Variants in PAPLN observed in about 807,000 individuals in gnomAD.
PAPLN encodes papilin.
Under a neutral mutation model 159.0 loss-of-function variants are expected in PAPLN, and 146 were observed. The observed-to-expected ratio is 0.92, with a 90% CI of 0.80 to 1.05. The LOEUF is 1.05. Among genes scored for constraint, PAPLN ranks in the 50% least tolerant of loss-of-function variants. PAPLN has a pLI of 0.00. For missense variants in PAPLN, 1,720 were observed against 1,743.9 expected (o/e 0.99, Z 0.24); for synonymous variants, 734 against 702.9 (o/e 1.04, Z -0.70).
rs370095712 is a variant in PAPLN, at chr14:73,266,065, G to T, written c.3264-436G>T. On this transcript the variant is annotated intron_variant, in intron 23 of 26. Transcript: ENST00000644200. ...AAAAGCCAGACATTTTCGGCCAGTC[G>T]CAGTGGCTCACGCCTGTAATCCCAG... Among the ~76,000 whole-genome samples the T allele has an allele frequency of 4.9e-4, 74 of 152,288 alleles. 1 individual carries two copies. The highest frequency in any genetic ancestry group is 6.8e-3 in the Middle Eastern group (2 of 294).
intron 6 of PAPLN, 94 bp from the exon 7 acceptor site, chr14:73,250,813 G>C: frequency 7.0e-7 from 1 of 1,431,030 alleles, no homozygotes; most frequent in Non-Finnish European, 9.2e-7. Context: ...ATCCTGCCTG[G>C]GCTGCGTGGG....
chr14:73,257,750 CTTCTTTTTTTTT>C (rs1359509805), intron 14 of PAPLN, among the ~76,000 whole-genome samples: 1 of 104,912 alleles, frequency 9.5e-6, no homozygotes, highest in South Asian at 3.1e-4. Flanking sequence ...TAGTCTCTTT[CTTCTTTTTTTTT>C]TTTTTTTTTT....
chr14:73,266,736 C>T lies in PAPLN; in HGVS notation c.3405C>T (p.Ile1135=), dbSNP rs1315065007. Residue 1135 remains isoleucine (I), a synonymous_variant, in exon 25 of 27, where the codon ATC becomes ATT. Transcript: ENST00000644200. The part of the protein sequence containing the change: ...VQLRVLGELT[I]SGLPPTVTVP... Reference sequence around the variant, plus strand: ...CCTTGTGCCCAGGGGAGCTGACAATCTCAGGACTGCCCCCTACTGTGACAG... The same window carrying T: ...CCTTGTGCCCAGGGGAGCTGACAATTTCAGGACTGCCCCCTACTGTGACAG... 1 of 1,614,036 alleles carries T rather than the reference C, an allele frequency of 6.2e-7. No homozygotes were observed. The highest frequency in any genetic ancestry group is 1.1e-5 in the South Asian group (1 of 91,072).
At position 73,265,480 on chromosome 14, in the gene PAPLN, G is replaced by A; in HGVS notation, c.3236G>A (p.Arg1079Lys). The A allele has an allele frequency of 6.2e-7, 1 of 1,613,936 alleles. No homozygotes were observed. The highest frequency in any genetic ancestry group is 1.3e-5 in the African/African-American group (1 of 75,076). ...CCGCCCCCAGCCATCGAGTGGCAGA[G>A]AGATGGGCAGCCTGTCTCTTCTCCC... ...GFPPPAIEWQ[R>K]DGQPVSSPRH... Residue 1079 changes from arginine (R) to lysine (K), a missense_variant, in exon 23 of 27, where the codon AGA (arginine) becomes AAA (lysine). Arg to Lys is a conservative substitution (Grantham distance 26). Transcript: ENST00000644200. This position sits in a 1 kb window ranked among gnomAD's most constrained non-coding sequence, Gnocchi z 4.1.
chr14:73,258,399 A>G (rs914350601), intron 14 of PAPLN, among the ~76,000 whole-genome samples: 1 of 152,058 alleles, frequency 6.6e-6, no homozygotes, highest in Non-Finnish European at 1.5e-5. Flanking sequence ...CCAATTTTTT[A>G]AAAAAGTATG....
At chr14:73,268,794 T>TC in intron 26 of PAPLN, 71 bp downstream of exon 26, 5 of 1,479,560 alleles carry the variant, frequency 3.4e-6, no homozygotes, top group Non-Finnish European at 9.0e-7. Context: ...AAGGGCTGGC[T>TC]CTGCAGTCTG....
intron 16 of PAPLN, among the ~76,000 whole-genome samples, chr14:73,260,378 C>T (rs910950969): frequency 6.6e-6 from 1 of 152,162 alleles, no homozygotes; most frequent in African/African-American, 2.4e-5. Flanking sequence ...TTTTGTAACC[C>T]CCGCTGTGAA....
At chr14:73,252,603 T>G in intron 10 of PAPLN, 46 bp from the exon 11 acceptor site, 1 of 1,599,630 alleles carries the variant, frequency 6.3e-7, no homozygotes, top group Non-Finnish European at 8.5e-7. Context: ...ACGCGCTTGG[T>G]GAATGTTGAC....
At chr14:73,242,291 C>T (rs138303060) in intron 2 of PAPLN, among the ~76,000 whole-genome samples, 9 of 152,288 alleles carry the variant, frequency 5.9e-5, no homozygotes, top group African/African-American at 1.9e-4. Context: ...CCAGTCCTGC[C>T]CCTGCCTTAT....
At position 73,261,301 on chromosome 14, in the gene PAPLN, G is replaced by A. The variant is rs1886554874; in HGVS notation, c.2245+7G>A. On this transcript the variant is annotated splice_region_variant and intron_variant, in intron 18 of 26. Coordinates refer to ENST00000644200, the MANE Select transcript of PAPLN (RefSeq NM_001365906.3). Reference sequence around the variant, plus strand: ...GTGGGCCAGCCCAGCCATGGTGAGTGGACACCCCCTCTCCTCCTTCTCGAT... The same window carrying A: ...GTGGGCCAGCCCAGCCATGGTGAGTAGACACCCCCTCTCCTCCTTCTCGAT... 1.2e-6 allele frequency: 2 copies of A among 1,613,200 alleles called. No individual in the cohort carries two copies. Among genetic ancestry groups the A allele is most frequent in the South Asian group, 2.2e-5 (2 of 91,036 alleles).
chr14:73,272,287 T>C (rs1887803727), intron 26 of PAPLN: 2 of 423,888 alleles, frequency 4.7e-6, no homozygotes, highest in South Asian at 8.4e-5. Flanking sequence ...GACCACTGCA[T>C]GTTGAAGTGA....
At chr14:73,259,688 GGCTGCCCTGA>G in intron 16 of PAPLN, 143 bp downstream of exon 16, 1 of 1,152,940 alleles carries the variant, frequency 8.7e-7, no homozygotes, top group Non-Finnish European at 1.1e-6. Flanking sequence ...TTCCTCCCTG[GGCTGCCCTGA>G]GCATGAGATC....
chr14:73,248,840 T>A (rs1884905906), intron 5 of PAPLN, among the ~76,000 whole-genome samples: 1 of 146,646 alleles, frequency 6.8e-6, no homozygotes, highest in Non-Finnish European at 1.5e-5. Context: ...GAAAAAAAAA[T>A]TAAAACCAGG....
chr14:73,266,667 G>GC (rs775959044), intron 24 of PAPLN, 39 bp downstream of exon 24: 10 of 1,614,052 alleles, frequency 6.2e-6, no homozygotes, highest in Non-Finnish European at 8.5e-6. Context: ...AGGTCAGGTG[G>GC]CATGGGTAGG....
chr14:73,236,930 GAAGA>G (rs1010667716), upstream of PAPLN, among the ~76,000 whole-genome samples: 1 of 148,800 alleles, frequency 6.7e-6, no homozygotes, highest in African/African-American at 2.5e-5. Flanking sequence ...GGGAAAGAAA[GAAGA>G]AAGTGAGGGA....
At chr14:73,258,319 C>T (rs542444450) in intron 14 of PAPLN, among the ~76,000 whole-genome samples, 1 of 152,080 alleles carries the variant, frequency 6.6e-6, no homozygotes, top group Non-Finnish European at 1.5e-5. Context: ...TGGCCATTTG[C>T]ATATCATCTT....
upstream of PAPLN, among the ~76,000 whole-genome samples, chr14:73,235,899 C>T (rs1436457930): frequency 6.6e-6 from 1 of 152,212 alleles, no homozygotes; most frequent in Non-Finnish European, 1.5e-5. Flanking sequence ...TTAAACTGGC[C>T]ATGTTCTAAT....
chr14:73,253,793 T>C lies in PAPLN; in HGVS notation c.1134T>C (p.Cys378=), dbSNP rs746818681. Residue 378 remains cysteine (C), a synonymous_variant, in exon 12 of 27, where the codon TGT becomes TGC. Coordinates refer to ENST00000644200, the MANE Select transcript of PAPLN (RefSeq NM_001365906.3). ...CATGGGCACCCTGCTCAGCCTCCTG[T>C]GGAGGAGGCTCCCAGTCCCGCTCCG... The part of the protein sequence containing the change: ...AGPWAPCSAS[C]GGGSQSRSVY... 1.2e-6 allele frequency: 2 copies of C among 1,609,764 alleles called. No homozygotes were observed. Among genetic ancestry groups the C allele is most frequent in the Middle Eastern group, 1.7e-4 (1 of 6,046 alleles).
At chr14:73,247,999 T>C (rs1209747229) in intron 5 of PAPLN, among the ~76,000 whole-genome samples, 1 of 94,552 alleles carries the variant, frequency 1.1e-5, no homozygotes, top group East Asian at 3.1e-4. Flanking sequence ...TGTGTGTGTG[T>C]GTGTGTGTGT....
Sources: gnomAD v4.1 joint callset for allele counts (sites outside exome capture counted in the v4.1 genomes callset) on GRCh38, gnomAD v4.1.1 for gene constraint, Gnocchi (gnomAD v3.1) non-coding constraint, MANE v1.5 for transcripts, NCBI Gene and HGNC (gene_info 2026-07-23, HGNC 2026-07-21) for gene names.